The following HTR2A variants were observed in gnomAD, a reference collection of about 807,000 sequenced individuals.
HTR2A encodes the protein 5-HT2 receptor.
In HTR2A, 14 loss-of-function variants were observed where a neutral mutation model predicts 31.0. The observed-to-expected ratio is 0.45, with a 90% CI of 0.30 to 0.71. The LOEUF is 0.71. Among genes scored for constraint, HTR2A ranks in the 30% least tolerant of loss-of-function variants. The probability of loss-of-function intolerance (pLI) is 0.09; values close to 1 mark genes in which losing one functional copy is unlikely to be tolerated. For missense variants in HTR2A, 442 were observed against 573.3 expected (o/e 0.77, Z 2.34); for synonymous variants, 209 against 225.2 (o/e 0.93, Z 0.64).
At chr13:46,851,128 A>G (rs573991482) in intron 3 of HTR2A, among the ~76,000 whole-genome samples, 15 of 152,336 alleles carry the variant, frequency 9.8e-5, no homozygotes, top group Middle Eastern at 6.8e-3. Context: ...TGAATCACTG[A>G]GCCTGGGTGT....
chr13:46,883,139 T>C (rs1593442428), intron 3 of HTR2A, among the ~76,000 whole-genome samples: 2 of 152,214 alleles, frequency 1.3e-5, no homozygotes, highest in African/African-American at 2.4e-5. Context: ...CCCCATATAC[T>C]AAATCAACAC....
chr13:46,869,999 A>G (rs1404520517), intron 3 of HTR2A, among the ~76,000 whole-genome samples: 5 of 152,154 alleles, frequency 3.3e-5, no homozygotes, highest in Admixed American at 3.3e-4. Flanking sequence ...AAGATTGTGA[A>G]TGTAATTTAT....
upstream of HTR2A, chr13:46,897,092 T>C: frequency 4.7e-6 from 2 of 429,402 alleles, no homozygotes; most frequent in East Asian, 4.8e-5. Context: ...CCTCTATGTG[T>C]ATGTCATAAG....
At chr13:46,836,841 A>G (rs1356517877) in intron 3 of HTR2A, among the ~76,000 whole-genome samples, 3 of 152,160 alleles carry the variant, frequency 2.0e-5, no homozygotes, top group African/African-American at 7.2e-5. Flanking sequence ...TCACTCCTAA[A>G]TAGAAGTTTA....
chr13:46,868,628 C>T (rs1351751312), intron 3 of HTR2A, among the ~76,000 whole-genome samples: 1 of 152,070 alleles, frequency 6.6e-6, no homozygotes, highest in African/African-American at 2.4e-5. Context: ...ATATGAAATT[C>T]CCTATGTTCA....
rs187617662 is a variant in HTR2A, at chr13:46,886,048, G to A, written c.613+6342C>T. Among the ~76,000 whole-genome samples the A allele has an allele frequency of 2.1e-3, 315 of 152,170 alleles. 3 individuals are homozygous for A. Among genetic ancestry groups the A allele is most frequent in the African/African-American group, 7.0e-3 (292 of 41,534 alleles). The stretch of plus-strand genomic sequence containing the variant: ...AACTTTGCTTACACTGATTTTAGCC[G>A]TATCAAACTTATATAACTGTTTATG... On this transcript the variant is annotated intron_variant, in intron 3 of 3. Coordinates refer to ENST00000542664, the MANE Select transcript of HTR2A (RefSeq NM_000621.5).
chr13:46,855,598 G>A (rs1950729359), intron 3 of HTR2A, among the ~76,000 whole-genome samples: 1 of 152,020 alleles, frequency 6.6e-6, no homozygotes, highest in Admixed American at 6.6e-5. Flanking sequence ...CAGGGAACAT[G>A]TAAACTGGAG....
chr13:46,858,532 T>C (rs1011277142), intron 3 of HTR2A, among the ~76,000 whole-genome samples: 2 of 152,134 alleles, frequency 1.3e-5, no homozygotes, highest in African/African-American at 2.4e-5. Flanking sequence ...GCTAATATAA[T>C]ATTTTAGACA....
chr13:46,855,311 T>A (rs7984966), intron 3 of HTR2A, among the ~76,000 whole-genome samples: 3 of 152,078 alleles, frequency 2.0e-5, no homozygotes, highest in Non-Finnish European at 2.9e-5. Flanking sequence ...TCAAGGGAAC[T>A]CCTTCAGTTT....
At chr13:46,879,010 A>G (rs1041570401) in intron 3 of HTR2A, among the ~76,000 whole-genome samples, 3 of 152,350 alleles carry the variant, frequency 2.0e-5, no homozygotes, top group Admixed American at 2.0e-4. Context: ...GAAAGGACAA[A>G]AACAAATATA....
chr13:46,846,149 C>T (rs890406034), intron 3 of HTR2A, among the ~76,000 whole-genome samples: 3 of 152,056 alleles, frequency 2.0e-5, no homozygotes, highest in African/African-American at 7.2e-5. Context: ...AATTTGGATC[C>T]CCTCTGGTTT....
Position 46,896,821 on chromosome 13 carries a change from T to A in HTR2A, c.-476A>T. 1 of 1,537,026 alleles carries A rather than the reference T, an allele frequency of 6.5e-7. No homozygotes were observed. Among genetic ancestry groups the A allele is most frequent in the Non-Finnish European group, 8.7e-7 (1 of 1,146,856 alleles). ...TAATTTGGTTTCTGTTTTGCTGACT[T>A]CAAAAACTGCATGCAAGAGCTGAGC... On this transcript the variant is annotated 5_prime_UTR_variant, in exon 1 of 4. The change creates a premature stop within an existing upstream ORF in the 5' untranslated region. Transcript: ENST00000542664.
chr13:46,895,373 T>C lies in HTR2A; in HGVS notation c.412+122A>G, dbSNP rs1951092997. The stretch of plus-strand genomic sequence containing the variant: ...ATATAAGTAACATAGTAGGCTCTAG[T>C]CTATAAACAAAGACTTCTATTTATA... On this transcript the variant is annotated intron_variant, in intron 2 of 3. Transcript: ENST00000542664. This position sits in a 1 kb window ranked among gnomAD's most constrained non-coding sequence, Gnocchi z 4.4. 1.2e-6 allele frequency: 1 copy of C among 813,482 alleles called. No homozygotes were observed. The highest frequency in any genetic ancestry group is 1.9e-5 in the South Asian group (1 of 53,774). 50.4% of individuals were successfully genotyped at this position (813,482 alleles called of 1,614,324 possible). A position where few individuals can be genotyped will look rare whatever the true frequency, so the allele number is the denominator to read the frequency against.
chr13:46,892,961 G>A (rs979087236), intron 2 of HTR2A, among the ~76,000 whole-genome samples: 12 of 152,140 alleles, frequency 7.9e-5, no homozygotes, highest in African/African-American at 2.4e-4. Flanking sequence ...CTCTCACACT[G>A]TACTGTCAGG....
chr13:46,895,448 C>A lies in HTR2A; in HGVS notation c.412+47G>T. 6.4e-7 allele frequency: 1 copy of A among 1,565,122 alleles called. No homozygotes were observed. Among genetic ancestry groups the A allele is most frequent in the South Asian group, 1.2e-5 (1 of 83,018 alleles). On this transcript the variant is annotated intron_variant, in intron 2 of 3. Coordinates refer to ENST00000542664, the MANE Select transcript of HTR2A (RefSeq NM_000621.5). This position sits in a 1 kb window ranked among gnomAD's most constrained non-coding sequence, Gnocchi z 4.4. ...CTCATCTGCTGGTGGCATGCACATGCTCTTTATTACCAGTGCGAATATAGC... is the reference window on the plus strand; with the variant it reads ...CTCATCTGCTGGTGGCATGCACATGATCTTTATTACCAGTGCGAATATAGC...
In HTR2A at chr13:46,895,156, G is replaced by A; in HGVS notation, c.412+339C>T. On this transcript the variant is annotated intron_variant, in intron 2 of 3. Transcript: ENST00000542664. This position sits in a 1 kb window ranked among gnomAD's most constrained non-coding sequence, Gnocchi z 4.4. ...AAATCAAGTAGATTCAGAATGATGG[G>A]TAAGTTATTGGTTTATGACTGTATG... 5.0e-6 allele frequency: 1 copy of A among 199,748 alleles called. No individual in the cohort carries two copies. Among genetic ancestry groups the A allele is most frequent in the South Asian group, 1.2e-4 (1 of 8,638 alleles). 12.4% of individuals were successfully genotyped at this position (199,748 alleles called of 1,614,324 possible). A position where few individuals can be genotyped will look rare whatever the true frequency, so the allele number is the denominator to read the frequency against.
At chr13:46,838,376 G>A (rs1462155078) in intron 3 of HTR2A, among the ~76,000 whole-genome samples, 1 of 152,152 alleles carries the variant, frequency 6.6e-6, no homozygotes, top group Non-Finnish European at 1.5e-5. Flanking sequence ...TGCATTTGGT[G>A]AGGATAAAAT....
At chr13:46,846,059 G>A (rs1950640677) in intron 3 of HTR2A, among the ~76,000 whole-genome samples, 1 of 152,150 alleles carries the variant, frequency 6.6e-6, no homozygotes, top group South Asian at 2.1e-4. Flanking sequence ...ACACAGCCTA[G>A]GTAGGGAACC....
At position 46,892,381 on chromosome 13, in the gene HTR2A, G is replaced by T. The variant is rs753611074; in HGVS notation, c.613+9C>A. Reference sequence around the variant, plus strand: ...TTCAAATGAGACTCTGAAATATGTTGCCACTTACCTACTGATATGGTCCAA... The same window carrying T: ...TTCAAATGAGACTCTGAAATATGTTTCCACTTACCTACTGATATGGTCCAA... On this transcript the variant is annotated intron_variant, in intron 3 of 3. Coordinates refer to ENST00000542664, the MANE Select transcript of HTR2A (RefSeq NM_000621.5). 3.1e-6 allele frequency: 5 copies of T among 1,611,044 alleles called. No individual in the cohort carries two copies. Among genetic ancestry groups the T allele is most frequent in the Non-Finnish European group, 4.2e-6 (5 of 1,177,168 alleles).
Sources: allele counts gnomAD v4.1 joint callset (sites outside exome capture counted in the v4.1 genomes callset), GRCh38; gene constraint gnomAD v4.1.1; non-coding constraint Gnocchi (gnomAD v3.1); transcripts MANE v1.5; gene names NCBI Gene and HGNC (gene_info 2026-07-23, HGNC 2026-07-21).